SMAP1: variants seen among roughly 807,000 people sequenced by gnomAD.
SMAP1 encodes small ArfGAP 1.
Under a neutral mutation model 58.5 loss-of-function variants are expected in SMAP1, and 24 were observed. The observed-to-expected ratio is 0.41, with a 90% confidence interval of 0.30 to 0.58. The LOEUF (loss-of-function observed/expected upper bound fraction) is 0.58. Ranked by LOEUF, SMAP1 falls within the 20% of genes least tolerant of loss-of-function variation. SMAP1 has a pLI of 0.29. For missense variants in SMAP1, 563 were observed against 566.3 expected, an observed-to-expected ratio of 0.99 and a Z score of 0.06; for synonymous variants, 216 against 196.6, an observed-to-expected ratio of 1.10 and a Z score of -0.82.
intron 4 of SMAP1, among the ~76,000 whole-genome samples, chr6:70,787,481 G>A (rs1399806441): frequency 6.6e-6 from 1 of 151,932 alleles, no homozygotes; most frequent in African/African-American, 2.4e-5. Context: ...CTTCTGCACA[G>A]CAAAAGAAAC....
chr6:70,843,628 G>A (rs1770882160), intron 7 of SMAP1, among the ~76,000 whole-genome samples: 1 of 152,150 alleles, frequency 6.6e-6, no homozygotes, highest in Non-Finnish European at 1.5e-5. Flanking sequence ...ACTCTAACAG[G>A]TGAGATTGTG....
At chr6:70,779,839 C>T (rs889355784) in intron 4 of SMAP1, among the ~76,000 whole-genome samples, 3 of 152,126 alleles carry the variant, frequency 2.0e-5, no homozygotes, top group Non-Finnish European at 4.4e-5. Context: ...AGCAGTGATG[C>T]TAGTGCTGGG....
chr6:70,697,099 T>C (rs1267657892), intron 1 of SMAP1, among the ~76,000 whole-genome samples: 3 of 152,324 alleles, frequency 2.0e-5, no homozygotes, highest in African/African-American at 7.2e-5. Context: ...ATCCCTTTAT[T>C]TTCAGTCTTT....
At chr6:70,696,131 T>C (rs1317161069) in intron 1 of SMAP1, among the ~76,000 whole-genome samples, 1 of 152,172 alleles carries the variant, frequency 6.6e-6, no homozygotes, top group African/African-American at 2.4e-5. Context: ...GTCTCCTTTT[T>C]CATCTCTGAT....
intron 1 of SMAP1, among the ~76,000 whole-genome samples, chr6:70,697,279 G>A (rs190030261): frequency 3.2e-4 from 48 of 149,942 alleles, no homozygotes; most frequent in Middle Eastern, 6.9e-3. Flanking sequence ...TTGTTTTCTG[G>A]TTGTTTTGTG....
chr6:70,816,413 G>C (rs1003408360), intron 6 of SMAP1, among the ~76,000 whole-genome samples: 8 of 152,128 alleles, frequency 5.3e-5, no homozygotes, highest in African/African-American at 1.9e-4. Flanking sequence ...GGTGAGGTTA[G>C]AAAAAGAGAA....
At chr6:70,755,856 T>C (rs906876812) in intron 3 of SMAP1, among the ~76,000 whole-genome samples, 3 of 152,044 alleles carry the variant, frequency 2.0e-5, no homozygotes, top group African/African-American at 4.8e-5. Flanking sequence ...TGTGAGGCAT[T>C]GTGGCATTTA....
intron 5 of SMAP1, among the ~76,000 whole-genome samples, chr6:70,796,802 C>G (rs1410826745): frequency 6.6e-6 from 1 of 152,130 alleles, no homozygotes; most frequent in Non-Finnish European, 1.5e-5. Flanking sequence ...GATTACTCTT[C>G]AGGTTTTAGC....
intron 7 of SMAP1, among the ~76,000 whole-genome samples, chr6:70,846,817 C>G (rs1289829593): frequency 2.0e-5 from 3 of 152,090 alleles, no homozygotes; most frequent in Non-Finnish European, 4.4e-5. Context: ...CCTGAGAACA[C>G]CAGGAAACAT....
intron 1 of SMAP1, among the ~76,000 whole-genome samples, chr6:70,673,595 A>G (rs1766355640): frequency 6.6e-6 from 1 of 152,236 alleles, no homozygotes; most frequent in South Asian, 2.1e-4. Flanking sequence ...AGTAAAGTTC[A>G]CCTTGGGGAA....
chr6:70,851,016 C>T (rs1165899774), intron 7 of SMAP1, among the ~76,000 whole-genome samples: 2 of 152,020 alleles, frequency 1.3e-5, no homozygotes, highest in East Asian at 3.9e-4. Context: ...AAATTATAAT[C>T]TATGTACATT....
intron 6 of SMAP1, among the ~76,000 whole-genome samples, chr6:70,808,737 A>G (rs1769253683): frequency 1.3e-5 from 2 of 152,216 alleles, no homozygotes; most frequent in African/African-American, 4.8e-5. Flanking sequence ...AGATAGCTAC[A>G]TAATTAGTTT....
intron 4 of SMAP1, among the ~76,000 whole-genome samples, chr6:70,784,859 CT>C (rs1767934278): frequency 6.6e-6 from 1 of 152,152 alleles, no homozygotes; most frequent in African/African-American, 2.4e-5. Flanking sequence ...TAATGGGAGA[CT>C]TTAACACCCC....
chr6:70,838,477 T>C (rs988505400), intron 7 of SMAP1, among the ~76,000 whole-genome samples: 1 of 152,130 alleles, frequency 6.6e-6, no homozygotes, highest in Non-Finnish European at 1.5e-5. Flanking sequence ...GTAAATACTA[T>C]AGATGAAAGA....
intron 1 of SMAP1, among the ~76,000 whole-genome samples, chr6:70,714,559 G>T (rs766783932): frequency 6.6e-6 from 1 of 151,832 alleles, no homozygotes; most frequent in Non-Finnish European, 1.5e-5. Flanking sequence ...AGATAATTTC[G>T]TTAGAGTTGT....
At chr6:70,692,505 C>T (rs759866078) in intron 1 of SMAP1, among the ~76,000 whole-genome samples, 1 of 152,144 alleles carries the variant, frequency 6.6e-6, no homozygotes, top group Non-Finnish European at 1.5e-5. Context: ...GAAATTTTTG[C>T]CTGGGCAGAG....
At chr6:70,714,101 A>G (rs963956426) in intron 1 of SMAP1, among the ~76,000 whole-genome samples, 1 of 151,306 alleles carries the variant, frequency 6.6e-6, no homozygotes, top group African/African-American at 2.4e-5. Context: ...CTATTCCTTC[A>G]CTTTCCACGT....
chr6:70,698,120 T>C (rs1048697220), intron 1 of SMAP1, among the ~76,000 whole-genome samples: 1 of 152,210 alleles, frequency 6.6e-6, no homozygotes, highest in East Asian at 1.9e-4. Flanking sequence ...TAGCTTTTGT[T>C]TGTCTGGCAA....
chr6:70,711,603 C>T (rs1768060880), intron 1 of SMAP1, among the ~76,000 whole-genome samples: 1 of 151,696 alleles, frequency 6.6e-6, no homozygotes, highest in Admixed American at 6.6e-5. Context: ...TCTCTGCTCA[C>T]TGTGACCTCC....
Sources: gnomAD v4.1 joint callset for allele counts (sites outside exome capture counted in the v4.1 genomes callset) on GRCh38, gnomAD v4.1.1 for gene constraint, MANE v1.5 for transcripts, NCBI Gene and HGNC (gene_info 2026-07-23, HGNC 2026-07-21) for gene names.